The following TTC39B variants were observed in gnomAD, a reference collection of about 807,000 sequenced individuals.
TTC39B encodes the protein tetratricopeptide repeat domain 39B.
In TTC39B, 92 loss-of-function variants were observed where a neutral mutation model predicts 96.6. That is an observed-to-expected ratio of 0.95 (90% confidence interval 0.80 to 1.13). The LOEUF (loss-of-function observed/expected upper bound fraction) is 1.13, where lower values mean the gene tolerates loss of function less well. Among genes scored for constraint, TTC39B ranks in the 50% most tolerant of loss-of-function variants. The pLI, the probability that TTC39B is intolerant of heterozygous loss-of-function variation, is 0.00. For synonymous variants in TTC39B, 367 were observed against 299.4 expected (o/e 1.23, Z -2.33); for missense variants, 955 against 809.3 (o/e 1.18, Z -2.18).
At chr9:15,239,746 G>C (rs1393890973) in intron 2 of TTC39B, among the ~76,000 whole-genome samples, 2 of 152,078 alleles carry the variant, frequency 1.3e-5, no homozygotes, top group East Asian at 1.9e-4. Flanking sequence ...ACAGACACTT[G>C]GTACTCCAAA....
chr9:15,197,966 A>T (rs534064174), intron 8 of TTC39B, among the ~76,000 whole-genome samples: 1 of 152,332 alleles, frequency 6.6e-6, no homozygotes, highest in African/African-American at 2.4e-5. Context: ...TTGAAAGCTG[A>T]CACCCTCTAA....
chr9:15,195,822 T>C lies in TTC39B; in HGVS notation c.825-3127A>G, dbSNP rs762716040. 3.9e-5 allele frequency among the ~76,000 whole-genome samples: 6 copies of C among 152,276 alleles called. No individual in the cohort carries two copies. The South Asian group carries it at 1.2e-3, about 32-fold the overall frequency. On this transcript the variant is annotated intron_variant, in intron 8 of 19. Coordinates refer to ENST00000512701, the Ensembl canonical transcript of TTC39B. ...TCAATGTAGACAAAATGGCCTTCTA[T>C]TGGAAGAAGATGCTATCTAGAACTT...
intron 2 of TTC39B, among the ~76,000 whole-genome samples, chr9:15,235,767 G>C (rs1821749408): frequency 6.6e-6 from 1 of 152,056 alleles, no homozygotes; most frequent in African/African-American, 2.4e-5. Context: ...CAAATACTAA[G>C]GGCATCTGTC....
At chr9:15,168,041 G>A (rs1817560415) in exon 20 of TTC39B, 1 of 152,196 alleles carries the variant, frequency 6.6e-6, no homozygotes. Flanking sequence ...TGTATGTGAA[G>A]CACAAATCAG....
At chr9:15,299,725 G>A (rs2131618156) in intron 1 of TTC39B, among the ~76,000 whole-genome samples, 1 of 152,286 alleles carries the variant, frequency 6.6e-6, no homozygotes, top group East Asian at 1.9e-4. Context: ...TTGGTCGGCT[G>A]TCAACAGATG....
intron 4 of TTC39B, among the ~76,000 whole-genome samples, chr9:15,213,552 T>C (rs1435843685): frequency 6.6e-6 from 1 of 152,192 alleles, no homozygotes; most frequent in African/African-American, 2.4e-5. Context: ...GAAATTATCA[T>C]ATGAGGTCTA....
chr9:15,204,622 T>C (rs748323900), intron 6 of TTC39B, among the ~76,000 whole-genome samples: 4 of 151,880 alleles, frequency 2.6e-5, no homozygotes, highest in Non-Finnish European at 5.9e-5. Context: ...AATATGAAGG[T>C]ATGGTAACCA....
Position 15,214,025 on chromosome 9 carries a change from A to G in TTC39B, c.482+114T>C, listed in dbSNP as rs907998578. 1.4e-5 allele frequency: 10 copies of G among 738,230 alleles called. No individual in the cohort carries two copies. The Admixed American group carries it at 2.0e-4, about 15-fold the overall frequency. 45.7% of individuals were successfully genotyped at this position (738,230 alleles called of 1,614,324 possible). ...ACCAAAGTAAAGAGGTCTGAACTAAATTAGCTTATCAATATTCAGATGGGA... is the reference window on the plus strand; with the variant it reads ...ACCAAAGTAAAGAGGTCTGAACTAAGTTAGCTTATCAATATTCAGATGGGA... On this transcript the variant is annotated intron_variant, in intron 4 of 19. Coordinates refer to ENST00000512701, the Ensembl canonical transcript of TTC39B.
intron 2 of TTC39B, among the ~76,000 whole-genome samples, chr9:15,251,700 C>CATATACAT (rs1220028763): frequency 1.0e-5 from 1 of 98,368 alleles, no homozygotes; most frequent in Non-Finnish European, 2.2e-5. Flanking sequence ...CATACATATA[C>CATATACAT]ATATATATAT....
chr9:15,285,810 G>A (rs181564187), intron 1 of TTC39B, among the ~76,000 whole-genome samples: 175 of 152,026 alleles, frequency 1.2e-3, no homozygotes, highest in Non-Finnish European at 2.0e-3. Flanking sequence ...AGCCGAGATC[G>A]CGTGACTGCA....
At chr9:15,265,448 GC>G (rs1823096595) in intron 2 of TTC39B, among the ~76,000 whole-genome samples, 2 of 152,168 alleles carry the variant, frequency 1.3e-5, no homozygotes, top group Non-Finnish European at 2.9e-5. Context: ...CCAATCACCA[GC>G]CCCAAGGCCT....
intron 15 of TTC39B, among the ~76,000 whole-genome samples, chr9:15,186,197 T>G (rs1818513890): frequency 6.6e-6 from 1 of 151,992 alleles, no homozygotes; most frequent in African/African-American, 2.4e-5. Flanking sequence ...CCAATATGAG[T>G]CAAGCTTATG....
At chr9:15,239,557 T>A (rs993957702) in intron 2 of TTC39B, among the ~76,000 whole-genome samples, 1 of 152,204 alleles carries the variant, frequency 6.6e-6, no homozygotes, top group African/African-American at 2.4e-5. Context: ...AAATGTGGAA[T>A]AGATACAGAA....
chr9:15,260,152 GT>G (rs983945597), intron 2 of TTC39B, among the ~76,000 whole-genome samples: 1 of 151,660 alleles, frequency 6.6e-6, no homozygotes, highest in African/African-American at 2.4e-5. Flanking sequence ...TCATTAGAGG[GT>G]TTTTTTTCCT....
At chr9:15,193,617 C>G (rs1232164971) in intron 8 of TTC39B, among the ~76,000 whole-genome samples, 1 of 152,094 alleles carries the variant, frequency 6.6e-6, no homozygotes, top group Non-Finnish European at 1.5e-5. Flanking sequence ...TCCCCTGGGT[C>G]ATTTATTTTT....
intron 3 of TTC39B, among the ~76,000 whole-genome samples, chr9:15,218,483 G>C (rs1055854529): frequency 6.6e-6 from 1 of 151,980 alleles, no homozygotes; most frequent in Non-Finnish European, 1.5e-5. Context: ...AAAAACTGTG[G>C]TGCTCAGCCC....
At chr9:15,217,342 G>T (rs1820577463) in intron 3 of TTC39B, among the ~76,000 whole-genome samples, 1 of 152,086 alleles carries the variant, frequency 6.6e-6, no homozygotes, top group South Asian at 2.1e-4. Flanking sequence ...TAGTCCTCTT[G>T]CCAAACATCC....
At chr9:15,185,776 C>T (rs1190715023) in intron 15 of TTC39B, among the ~76,000 whole-genome samples, 1 of 152,134 alleles carries the variant, frequency 6.6e-6, no homozygotes, top group African/African-American at 2.4e-5. Flanking sequence ...GGAAAGAGTC[C>T]AAAGTATTTA....
chr9:15,248,570 T>A lies in TTC39B; in HGVS notation c.275+19344A>T, dbSNP rs192433962. On this transcript the variant is annotated intron_variant, in intron 2 of 19. Transcript: ENST00000512701. ...TGTTCAGCATCATATCCCCAGAGCC[T>A]GGCAAGAGCTTCGTAACAGATGTAA... 2.0e-5 allele frequency among the ~76,000 whole-genome samples: 3 copies of A among 152,202 alleles called. No homozygotes were observed. The East Asian group carries it at 5.8e-4, about 29-fold the overall frequency.
Sources: gnomAD v4.1 joint callset for allele counts (sites outside exome capture counted in the v4.1 genomes callset) on GRCh38, gnomAD v4.1.1 for gene constraint, MANE v1.5 for transcripts, NCBI Gene and HGNC (gene_info 2026-07-23, HGNC 2026-07-21) for gene names.